ABAT: variants seen among roughly 807,000 people sequenced by gnomAD.
ABAT encodes the protein 4-aminobutyrate aminotransferase, mitochondrial.
Under a neutral mutation model 64.6 loss-of-function variants are expected in ABAT, and 45 were observed. That is an observed-to-expected ratio of 0.70 (90% CI 0.55 to 0.89). ABAT has a LOEUF of 0.89. ABAT is among the 40% of genes least tolerant of loss of function. The pLI is 0.00. For synonymous variants in ABAT, 297 were observed against 250.5 expected (o/e 1.19, Z -1.75); for missense variants, 633 against 658.4 (o/e 0.96, Z 0.42).
intron 1 of ABAT, among the ~76,000 whole-genome samples, chr16:8,697,008 C>G (rs933119516): frequency 6.6e-6 from 1 of 152,116 alleles, no homozygotes; most frequent in Non-Finnish European, 1.5e-5. Flanking sequence ...GAACAAGAGA[C>G]GAGGAGCTTG....
intron 1 of ABAT, among the ~76,000 whole-genome samples, chr16:8,680,377 G>T (rs2057303911): frequency 6.6e-6 from 1 of 152,102 alleles, no homozygotes; most frequent in Admixed American, 6.6e-5. Flanking sequence ...TTTAAATTGG[G>T]GTAAAATACA....
intron 11 of ABAT, among the ~76,000 whole-genome samples, 198 bp downstream of exon 11, chr16:8,769,171 G>C (rs898729622): frequency 2.0e-5 from 3 of 152,182 alleles, no homozygotes; most frequent in Admixed American, 6.5e-5. Flanking sequence ...CACTGTTTCT[G>C]TCACAGCATC....
rs737696 is a variant in ABAT, at chr16:8,781,462, G to C, written c.*32G>C. ...CATTTCCACTACAGTGAGAAAGCCC[G>C]GATCCCAACAGTTGTCAAATTGATT... On this transcript the variant is annotated 3_prime_UTR_variant, in exon 16 of 16. Transcript: ENST00000268251. The surrounding 1 kb of genome is among the most constrained non-coding windows in gnomAD (Gnocchi z 4.5). The C allele has an allele frequency of 6.2e-7, 1 of 1,613,566 alleles. No homozygotes were observed. The highest frequency in any genetic ancestry group is 1.7e-5 in the Admixed American group (1 of 59,996).
At chr16:8,732,527 C>A (rs577990618) in intron 1 of ABAT, among the ~76,000 whole-genome samples, 1 of 151,450 alleles carries the variant, frequency 6.6e-6, no homozygotes, top group African/African-American at 2.5e-5. Context: ...TCAGAGAGCA[C>A]GGGGTTGGGG....
chr16:8,690,851 A>G (rs1349174703), intron 1 of ABAT, among the ~76,000 whole-genome samples: 2 of 152,202 alleles, frequency 1.3e-5, no homozygotes, highest in East Asian at 1.9e-4. Flanking sequence ...AGAGCCAAAC[A>G]TAGCGGACAG....
intron 1 of ABAT, among the ~76,000 whole-genome samples, chr16:8,734,341 T>A (rs73499544): frequency 0.013 from 1,996 of 152,316 alleles, 51 homozygotes; most frequent in African/African-American, 0.046. Context: ...CATCCCTGTA[T>A]GTCCAGTCTG....
At chr16:8,760,675 G>C (rs1017733742) in intron 6 of ABAT, among the ~76,000 whole-genome samples, 1 of 152,192 alleles carries the variant, frequency 6.6e-6, no homozygotes, top group Non-Finnish European at 1.5e-5. Flanking sequence ...CAGATGCCTT[G>C]GCAGTTGGTG....
At chr16:8,770,139 T>G (rs1459957905) in intron 11 of ABAT, among the ~76,000 whole-genome samples, 1 of 152,216 alleles carries the variant, frequency 6.6e-6, no homozygotes, top group African/African-American at 2.4e-5. Flanking sequence ...TGCTTTGTTT[T>G]GTTTTGCTTT....
At chr16:8,724,845 AT>A (rs1170683712) in intron 1 of ABAT, among the ~76,000 whole-genome samples, 14 of 150,176 alleles carry the variant, frequency 9.3e-5, no homozygotes, top group African/African-American at 3.4e-4. Flanking sequence ...AGAGTGTGTC[AT>A]TACTCTACAC....
chr16:8,675,284 C>G (rs1392337786), intron 1 of ABAT, among the ~76,000 whole-genome samples: 1 of 152,106 alleles, frequency 6.6e-6, no homozygotes, highest in African/African-American at 2.4e-5. Flanking sequence ...CCGGAGACCC[C>G]TCCCTACCCG....
At chr16:8,711,647 T>TGTCC (rs1473495936) in intron 1 of ABAT, among the ~76,000 whole-genome samples, 1 of 144,610 alleles carries the variant, frequency 6.9e-6, no homozygotes, top group African/African-American at 2.6e-5. Flanking sequence ...AAACCGTGAG[T>TGTCC]GTCCATGAGC....
At chr16:8,759,405 T>G (rs1427667069) in intron 6 of ABAT, among the ~76,000 whole-genome samples, 1 of 152,004 alleles carries the variant, frequency 6.6e-6, no homozygotes, top group Middle Eastern at 3.2e-3. Flanking sequence ...ATGCATGAGT[T>G]GTAATGAGGA....
intron 1 of ABAT, among the ~76,000 whole-genome samples, chr16:8,675,012 C>G (rs1221954291): frequency 1.3e-5 from 2 of 152,186 alleles, no homozygotes; most frequent in African/African-American, 4.8e-5. Context: ...CTCCAGGTCT[C>G]TAGAGCCCCC....
chr16:8,716,327 A>T (rs1365152033), intron 1 of ABAT, among the ~76,000 whole-genome samples: 1 of 152,126 alleles, frequency 6.6e-6, no homozygotes, highest in East Asian at 1.9e-4. Flanking sequence ...TAATTATAAT[A>T]TCAGAAGGTT....
intron 5 of ABAT, among the ~76,000 whole-genome samples, chr16:8,756,782 C>G (rs964465849): frequency 1.3e-5 from 2 of 152,208 alleles, no homozygotes; most frequent in African/African-American, 4.8e-5. Context: ...AGGTTGCTTT[C>G]AAGTCTTGAG....
chr16:8,759,277 T>C (rs889450701), intron 6 of ABAT, among the ~76,000 whole-genome samples: 2 of 152,192 alleles, frequency 1.3e-5, no homozygotes, highest in African/African-American at 4.8e-5. Context: ...AGTTGTTCCC[T>C]ATCATGAAAT....
chr16:8,690,582 T>G (rs2057556539), intron 1 of ABAT, among the ~76,000 whole-genome samples: 1 of 152,238 alleles, frequency 6.6e-6, no homozygotes, highest in Non-Finnish European at 1.5e-5. Context: ...GACAGGATTC[T>G]GAGATGTTTC....
intron 1 of ABAT, among the ~76,000 whole-genome samples, chr16:8,689,930 G>T (rs2057542063): frequency 2.0e-5 from 3 of 152,188 alleles, no homozygotes; most frequent in Non-Finnish European, 4.4e-5. Context: ...ACATTCAACA[G>T]CTGGTTTTTA....
chr16:8,760,248 C>T (rs1286765380), intron 6 of ABAT: 3 of 152,222 alleles, frequency 2.0e-5, no homozygotes, highest in African/African-American at 7.2e-5. Flanking sequence ...CCAGTCTTGC[C>T]ACATCCTCGC....
Sources: allele counts gnomAD v4.1 joint callset (sites outside exome capture counted in the v4.1 genomes callset), GRCh38; gene constraint gnomAD v4.1.1; non-coding constraint Gnocchi (gnomAD v3.1); transcripts MANE v1.5; gene names NCBI Gene and HGNC (gene_info 2026-07-23, HGNC 2026-07-21).